The following ARHGAP18 variants were observed in gnomAD, a reference collection of about 807,000 sequenced individuals.
ARHGAP18 encodes the protein rho GTPase-activating protein 18.
ARHGAP18 carries 67 observed loss-of-function variants against 86.2 expected under a neutral mutation model. The observed-to-expected ratio is 0.78, with a 90% CI of 0.64 to 0.95. The LOEUF (loss-of-function observed/expected upper bound fraction) is 0.95. Among genes scored for constraint, ARHGAP18 ranks in the 40% least tolerant of loss-of-function variants. The pLI is 0.00. For missense variants in ARHGAP18, 691 were observed against 780.4 expected (o/e 0.89, Z 1.37); for synonymous variants, 283 against 280.4 (o/e 1.01, Z -0.09).
intron 12 of ARHGAP18, 44 bp downstream of exon 12, chr6:129,599,172 A>C (rs769089837): frequency 9.1e-7 from 1 of 1,100,284 alleles, no homozygotes; most frequent in Non-Finnish European, 1.2e-6. Context: ...TATTAAAAAA[A>C]TACTTAAGAT....
intron 1 of ARHGAP18, among the ~76,000 whole-genome samples, chr6:129,698,177 A>G (rs1774650645): frequency 6.6e-6 from 1 of 152,176 alleles, no homozygotes; most frequent in African/African-American, 2.4e-5. Context: ...CAGAGCAGGA[A>G]TTTGTACACT....
chr6:129,626,582 T>C (rs1052325634), intron 5 of ARHGAP18, among the ~76,000 whole-genome samples: 6 of 151,606 alleles, frequency 4.0e-5, no homozygotes, highest in Middle Eastern at 3.2e-3. Flanking sequence ...GGCTTAACGA[T>C]ACAAAGAGTA....
chr6:129,680,451 C>T lies in ARHGAP18; in HGVS notation c.113+29573G>A, dbSNP rs573777194. Among the ~76,000 whole-genome samples, 22 of 152,264 alleles carry T rather than the reference C, an allele frequency of 1.4e-4. No homozygotes were observed. The South Asian group carries it at 3.9e-3, about 27-fold the overall frequency. On this transcript the variant is annotated intron_variant, in intron 1 of 14. Coordinates refer to ENST00000368149, the MANE Select transcript of ARHGAP18 (RefSeq NM_033515.3). Reference sequence around the variant, plus strand: ...CATACAAATTAAAACTAATATTATACCTCTTTTCTCCCCCTCTCCTTCCTC... The same window carrying T: ...CATACAAATTAAAACTAATATTATATCTCTTTTCTCCCCCTCTCCTTCCTC...
chr6:129,631,565 G>C (rs1387812064), intron 4 of ARHGAP18, among the ~76,000 whole-genome samples: 3 of 152,124 alleles, frequency 2.0e-5, no homozygotes, highest in Admixed American at 1.3e-4. Flanking sequence ...ACAGAATGCT[G>C]AGATCAACCT....
chr6:129,633,265 TTA>T (rs1491374824), intron 4 of ARHGAP18, among the ~76,000 whole-genome samples: 2 of 90,018 alleles, frequency 2.2e-5, no homozygotes, highest in African/African-American at 1.1e-4. Flanking sequence ...CTGTCTCTAC[TTA>T]AAAAAAAAAA....
Position 129,616,399 on chromosome 6 carries a change from G to T in ARHGAP18, c.953-96C>A, listed in dbSNP as rs920331067. On this transcript the variant is annotated intron_variant, in intron 6 of 14. Transcript: ENST00000368149. ...ATAAGATTTCTGATACTGTCGATCA[G>T]ACAACTATTTATTTAGCAACTACTA... is the stretch of plus-strand genomic sequence containing the variant. 8.3e-6 allele frequency: 8 copies of T among 958,894 alleles called. No homozygotes were observed. The African/African-American group carries it at 1.2e-4, about 14-fold the overall frequency. 59.4% of individuals were successfully genotyped at this position (958,894 alleles called of 1,614,324 possible).
chr6:129,612,577 T>A (rs1011910462), intron 7 of ARHGAP18, among the ~76,000 whole-genome samples: 12 of 151,840 alleles, frequency 7.9e-5, no homozygotes, highest in South Asian at 2.1e-4. Context: ...AAAAAAAAAA[T>A]TTTCAGGGAA....
chr6:129,591,958 A>G (rs758952008), intron 12 of ARHGAP18, among the ~76,000 whole-genome samples: 3 of 152,232 alleles, frequency 2.0e-5, no homozygotes, highest in Non-Finnish European at 4.4e-5. Flanking sequence ...ATCTTGAACT[A>G]TGTGCTAATT....
intron 12 of ARHGAP18, among the ~76,000 whole-genome samples, chr6:129,597,365 T>A (rs559806514): frequency 2.0e-5 from 3 of 152,182 alleles, no homozygotes; most frequent in African/African-American, 7.2e-5. Context: ...TGAGAATTTT[T>A]CTACCAAAAT....
intron 1 of ARHGAP18, among the ~76,000 whole-genome samples, chr6:129,705,768 G>C (rs1774792908): frequency 6.6e-6 from 1 of 152,144 alleles, no homozygotes; most frequent in South Asian, 2.1e-4. Flanking sequence ...CTATGGGCTT[G>C]ACAGAGGTCA....
rs1463460657 is a variant in ARHGAP18 at position 129,625,239 on chromosome 6, TATTTATATGTAA to T, written c.786+4102_786+4113del. On this transcript the variant is annotated intron_variant, in intron 5 of 14. Coordinates refer to ENST00000368149, the MANE Select transcript of ARHGAP18 (RefSeq NM_033515.3). Reference sequence around the variant, plus strand: ...TATATGATATATGATATATGATATATATTTATATGTAATATATATGATATATGATATATATTT... The same window carrying T: ...TATATGATATATGATATATGATATATTATATATGATATATGATATATATTT... Among the ~76,000 whole-genome samples the T allele has an allele frequency of 2.3e-3, 174 of 76,622 alleles. 10 individuals carry two copies. The highest frequency in any genetic ancestry group is 9.3e-3 in the African/African-American group (136 of 14,576). 50.3% of individuals were successfully genotyped at this position (76,622 alleles called of 152,430 possible).
At chr6:129,593,596 T>C (rs1158952245) in intron 12 of ARHGAP18, among the ~76,000 whole-genome samples, 1 of 152,200 alleles carries the variant, frequency 6.6e-6, no homozygotes, top group Non-Finnish European at 1.5e-5. Context: ...AAATGACTTG[T>C]CACACTCACT....
At chr6:129,702,957 G>A (rs1224481245) in intron 1 of ARHGAP18, among the ~76,000 whole-genome samples, 2 of 151,970 alleles carry the variant, frequency 1.3e-5, no homozygotes, top group Non-Finnish European at 2.9e-5. Context: ...CCGAGATTGC[G>A]CCATGCACTG....
rs74326834 is a variant in ARHGAP18 at position 129,631,485 on chromosome 6, G to C, written c.617-1963C>G. Among the ~76,000 whole-genome samples, 538 of 152,162 alleles carry C rather than the reference G, an allele frequency of 3.5e-3. 5 individuals carry two copies. The highest frequency in any genetic ancestry group is 0.012 in the African/African-American group (515 of 41,510). ...AAAAACAGTTTCAGGGTTGAAGAGGGGTACTGCTACAAGAAATGGATGATT... is the reference window on the plus strand; with the variant it reads ...AAAAACAGTTTCAGGGTTGAAGAGGCGTACTGCTACAAGAAATGGATGATT... On this transcript the variant is annotated intron_variant, in intron 4 of 14. Transcript: ENST00000368149.
intron 12 of ARHGAP18, among the ~76,000 whole-genome samples, chr6:129,593,480 A>T (rs1788558263): frequency 6.6e-6 from 1 of 152,166 alleles, no homozygotes; most frequent in South Asian, 2.1e-4. Context: ...ACAAACCTTT[A>T]AAAAATTAAA....
At chr6:129,586,459 T>A (rs965526900) in intron 12 of ARHGAP18, among the ~76,000 whole-genome samples, 1 of 152,132 alleles carries the variant, frequency 6.6e-6, no homozygotes, top group Non-Finnish European at 1.5e-5. Flanking sequence ...AACGGCAGGC[T>A]AGAGTTTACA....
At position 129,638,610 on chromosome 6, in the gene ARHGAP18, C is replaced by T; in HGVS notation, c.336G>A (p.Glu112=). 5.6e-6 allele frequency: 9 copies of T among 1,614,000 alleles called. No individual in the cohort carries two copies. The highest frequency in any genetic ancestry group is 7.6e-6 in the Non-Finnish European group (9 of 1,179,972). The change falls in exon 3 of 15, where the codon GAG becomes GAA. Residue 112 remains glutamate (E), a synonymous_variant. Transcript: ENST00000368149. The stretch of plus-strand genomic sequence containing the variant: ...TGGATAAACCGGCCTCTTTAAGCCA[C>T]TCTTCTTCCAATTCTCCCTCTAAGA... ...KEPDEGELEE[E]WLKEAGLSNL...
At position 129,607,844 on chromosome 6, in the gene ARHGAP18, C is replaced by T. The variant is rs763582033; in HGVS notation, c.1282+49G>A. ...TGCCAAATGTCATTAAAACAATTAA[C>T]ATAGATGGCACCAGCAGAAGGACTG... On this transcript the variant is annotated intron_variant, in intron 9 of 14. Coordinates refer to ENST00000368149, the MANE Select transcript of ARHGAP18 (RefSeq NM_033515.3). 2.0e-6 allele frequency: 3 copies of T among 1,518,546 alleles called. No individual in the cohort carries two copies. In the Admixed American group the frequency reaches 6.7e-5, roughly 34 times the overall value. The allele number at this position is 1,518,546 out of a possible 1,614,324, so 94.1% of individuals were successfully genotyped here. A position where few individuals can be genotyped will look rare whatever the true frequency, so the allele number is the denominator to read the frequency against.
At chr6:129,676,880 G>A (rs1417100512) in intron 1 of ARHGAP18, among the ~76,000 whole-genome samples, 1 of 133,968 alleles carries the variant, frequency 7.5e-6, no homozygotes, top group Non-Finnish European at 1.6e-5. Flanking sequence ...TCAATCAGTG[G>A]TTTATCTGAA....
Sources: allele counts gnomAD v4.1 joint callset (sites outside exome capture counted in the v4.1 genomes callset), GRCh38; gene constraint gnomAD v4.1.1; transcripts MANE v1.5; gene names NCBI Gene and HGNC (gene_info 2026-07-23, HGNC 2026-07-21).